Variants in TNC observed in about 807,000 individuals in gnomAD.
TNC encodes tenascin.
In TNC, 109 loss-of-function variants were observed where a neutral mutation model predicts 202.4. The ratio of observed to expected loss-of-function variants is 0.54; its 90% CI spans 0.46 to 0.63. The LOEUF is 0.63. Ranked by LOEUF, TNC falls within the 30% of genes least tolerant of loss-of-function variation. TNC has a pLI of 0.00. For synonymous variants in TNC, 1,007 were observed against 1,089.7 expected (o/e 0.92, Z 1.50); for missense variants, 2,756 against 2,833.3 (o/e 0.97, Z 0.62).
At position 115,079,049 on chromosome 9, in the gene TNC, G is replaced by GA. The variant is rs150196491; in HGVS notation, c.2405-838dup. Among the ~76,000 whole-genome samples the GA allele has an allele frequency of 1.1e-3, 164 of 152,260 alleles. 3 individuals carry two copies. The East Asian group carries it at 0.03, about 27-fold the overall frequency. Reference sequence around the variant, plus strand: ...CCTCCCTGTGGCTGCCACTGTCCTTGAAGAGCATTCTAATATCATACGTGT... The same window carrying GA: ...CCTCCCTGTGGCTGCCACTGTCCTTGAAAGAGCATTCTAATATCATACGTGT... On this transcript the variant is annotated intron_variant, in intron 6 of 27. Transcript: ENST00000350763.
rs1341031505 is a variant in TNC at position 115,064,040 on chromosome 9, C to T, written c.3516G>A (p.Val1172=). 1.2e-6 allele frequency: 2 copies of T among 1,609,830 alleles called. No individual in the cohort carries two copies. The highest frequency in any genetic ancestry group is 1.7e-6 in the Non-Finnish European group (2 of 1,177,516). The part of the protein sequence containing the change: ...TGETPNLGEV[V]VAEVGWDALK... ...GGGCATCCCAGCCCACCTCGGCCAC[C>T]ACGACCTCTCCCAAATTGGGAGTTT... Residue 1172 remains valine (V), a synonymous_variant, in exon 12 of 28, where the codon GTG becomes GTA. Transcript: ENST00000350763.
rs2133474302 is a variant in TNC at position 115,086,636 on chromosome 9, C to T, written c.1095G>A (p.Glu365=). The change falls in exon 3 of 28, where the codon GAG becomes GAA. Residue 365 remains glutamate, a synonymous_variant. Transcript: ENST00000350763. ...CGCTGCAGTCCACACCGGCAAAGCC[C>T]TCATCACATACACACTGCCCCTCCT... ...RCEEGQCVCD[E]GFAGVDCSEK... 1.2e-6 allele frequency: 2 copies of T among 1,614,028 alleles called. No homozygotes were observed. The highest frequency in any genetic ancestry group is 2.2e-5 in the East Asian group (1 of 44,894).
intron 1 of TNC, among the ~76,000 whole-genome samples, chr9:115,098,964 G>T (rs1433864079): frequency 3.3e-5 from 3 of 92,052 alleles, no homozygotes; most frequent in African/African-American, 1.4e-4. Context: ...TTTTCCTGAG[G>T]ACATCTGATC....
chr9:115,090,026 C>A (rs1314067866), intron 2 of TNC, among the ~76,000 whole-genome samples: 1 of 152,138 alleles, frequency 6.6e-6, no homozygotes, highest in Non-Finnish European at 1.5e-5. Flanking sequence ...GAACTTTTTT[C>A]TAATTCTTAT....
intron 3 of TNC, among the ~76,000 whole-genome samples, chr9:115,084,717 G>A (rs748688000): frequency 2.6e-5 from 4 of 152,122 alleles, no homozygotes; most frequent in Admixed American, 6.5e-5. Context: ...GGTGTTTCTG[G>A]CCTCTCCAAC....
intron 4 of TNC, 136 bp from the exon 5 acceptor site, chr9:115,082,943 G>T: frequency 1.6e-6 from 1 of 619,020 alleles, no homozygotes; most frequent in Non-Finnish European, 2.9e-6. Context: ...TCCTTTTAAA[G>T]CTTCTTCTGG....
chr9:115,059,937 A>G lies in TNC; in HGVS notation c.4099T>C (p.Trp1367Arg). ...TCATAGGCATTGTCAGCTGCGGTCC[A>G]GTTGAGTCTGAGGCCATCCCAGCCA... ...EVGWDGLRLN[W>R]TAADNAYEHF... Residue 1367 changes from tryptophan (W) to arginine (R), a missense_variant, in exon 14 of 28, where the codon TGG becomes CGG. By Grantham distance (101) the Trp-to-Arg change is moderately radical (BLOSUM62 -3). This residue lies in a region of TNC where 2,559 missense variants were observed against 2,546.0 expected (regional missense o/e 1.01). Transcript: ENST00000350763. The G allele has an allele frequency of 1.2e-6, 2 of 1,614,140 alleles. No homozygotes were observed. Among genetic ancestry groups the G allele is most frequent in the South Asian group, 1.1e-5 (1 of 91,086 alleles).
intron 1 of TNC, among the ~76,000 whole-genome samples, chr9:115,100,091 C>T (rs565290442): frequency 9.2e-5 from 14 of 152,286 alleles, no homozygotes; most frequent in South Asian, 6.2e-4. Flanking sequence ...GGATGGCTGT[C>T]CATGCTGCTG....
At chr9:115,064,992 C>T in intron 10 of TNC, 73 bp from the exon 11 acceptor site, 1 of 1,538,384 alleles carries the variant, frequency 6.5e-7, no homozygotes, top group Middle Eastern at 1.8e-4. Flanking sequence ...CTGGGAATGG[C>T]AAACCCAATG....
intron 1 of TNC, among the ~76,000 whole-genome samples, chr9:115,104,089 A>G (rs1432649987): frequency 1.3e-5 from 2 of 152,238 alleles, no homozygotes; most frequent in East Asian, 3.8e-4. Flanking sequence ...AAGAAAATAA[A>G]AAGTGGTTCT....
intron 16 of TNC, among the ~76,000 whole-genome samples, chr9:115,047,440 A>G (rs1349430958): frequency 6.6e-6 from 1 of 152,152 alleles, no homozygotes; most frequent in African/African-American, 2.4e-5. Context: ...ACAGTGAACT[A>G]TTCCTGTTTG....
intron 17 of TNC, among the ~76,000 whole-genome samples, chr9:115,046,044 T>C (rs1831167600): frequency 6.6e-6 from 1 of 151,426 alleles, no homozygotes; most frequent in Non-Finnish European, 1.5e-5. Context: ...GATGAGATAA[T>C]AGATAGAAGG....
intron 1 of TNC, among the ~76,000 whole-genome samples, chr9:115,113,825 G>A (rs1432368025): frequency 3.9e-5 from 6 of 152,134 alleles, no homozygotes; most frequent in Non-Finnish European, 8.8e-5. Context: ...TTTGACTTGG[G>A]CATTTTGCTT....
chr9:115,054,262 T>G (rs1379652206), intron 15 of TNC, among the ~76,000 whole-genome samples: 1 of 152,172 alleles, frequency 6.6e-6, no homozygotes, highest in Non-Finnish European at 1.5e-5. Context: ...TAATTCGATG[T>G]CATAAAATCT....
intron 21 of TNC, 92 bp downstream of exon 21, chr9:115,036,006 A>C (rs1830293130): frequency 2.0e-6 from 3 of 1,501,744 alleles, no homozygotes; most frequent in Non-Finnish European, 2.7e-6. Context: ...CTGACTTAAG[A>C]AAGAAGAACT....
At chr9:115,111,399 CTTTTTTTT>C (rs71375272) in intron 1 of TNC, among the ~76,000 whole-genome samples, 1,654 of 71,354 alleles carry the variant, frequency 0.023, 20 homozygotes, top group African/African-American at 0.071. Flanking sequence ...CTCTCTCTCT[CTTTTTTTT>C]TTTTTTTTTT....
At chr9:115,089,755 C>T (rs1178856919) in intron 2 of TNC, among the ~76,000 whole-genome samples, 1 of 152,230 alleles carries the variant, frequency 6.6e-6, no homozygotes, top group Non-Finnish European at 1.5e-5. Context: ...CCGCCTTAGC[C>T]TCCCAAAGTG....
chr9:115,091,219 T>C (rs150384957), intron 1 of TNC, 65 bp from the exon 2 acceptor site: 2 of 569,850 alleles, frequency 3.5e-6, no homozygotes, highest in East Asian at 5.8e-5. Context: ...ATATCTACAA[T>C]TCCAAGTGAA....
intron 3 of TNC, 99 bp from the exon 4 acceptor site, chr9:115,084,571 T>G (rs1449444570): frequency 7.2e-7 from 1 of 1,391,094 alleles, no homozygotes; most frequent in African/African-American, 1.4e-5. Context: ...GCCACAGAGG[T>G]CTGAAGATCT....
Sources: allele counts gnomAD v4.1 joint callset (sites outside exome capture counted in the v4.1 genomes callset), GRCh38; gene constraint gnomAD v4.1.1; regional missense constraint gnomAD v4.1.1; transcripts MANE v1.5; gene names NCBI Gene and HGNC (gene_info 2026-07-23, HGNC 2026-07-21).